The following HNF1B variants were observed in gnomAD, a reference collection of about 807,000 sequenced individuals.
HNF1B encodes the protein HNF1 homeobox B, also known as hepatocyte nuclear factor 1-beta.
A neutral mutation model predicts 61.7 loss-of-function variants in HNF1B; 8 were observed. That is an observed-to-expected ratio of 0.13 (90% CI 0.08 to 0.23). HNF1B has a LOEUF of 0.23. HNF1B is among the 10% of genes least tolerant of loss of function. HNF1B has a pLI of 1.00. For missense variants in HNF1B, 562 were observed against 714.5 expected (o/e 0.79, Z 2.43); for synonymous variants, 314 against 287.7 (o/e 1.09, Z -0.93).
intron 8 of HNF1B, among the ~76,000 whole-genome samples, chr17:37,694,219 G>A: frequency 6.6e-6 from 1 of 152,156 alleles, no homozygotes; most frequent in Non-Finnish European, 1.5e-5. Flanking sequence ...CCTGAGGTCA[G>A]GAGTTCGAGA....
chr17:37,712,233 T>A (rs1273169778), intron 4 of HNF1B, among the ~76,000 whole-genome samples: 1 of 151,916 alleles, frequency 6.6e-6, no homozygotes, highest in Non-Finnish European at 1.5e-5. Flanking sequence ...CTAGTGGGGG[T>A]GGTGGTGACA....
chr17:37,693,475 C>T (rs1259952119), intron 8 of HNF1B, among the ~76,000 whole-genome samples: 1 of 152,216 alleles, frequency 6.6e-6, no homozygotes, highest in Non-Finnish European at 1.5e-5. Context: ...TTTCCTACCA[C>T]TGTACAATAC....
intron 4 of HNF1B, among the ~76,000 whole-genome samples, chr17:37,723,473 G>A (rs929524536): frequency 4.6e-5 from 7 of 152,110 alleles, no homozygotes; most frequent in Admixed American, 2.0e-4. Context: ...CCTCCCCTCT[G>A]CCCCCACCAA....
Position 37,686,885 on chromosome 17 carries a change from C to A in HNF1B, c.*487G>T. The A allele has an allele frequency of 3.3e-6, 1 of 307,102 alleles. No homozygotes were observed. The highest frequency in any genetic ancestry group is 6.3e-6 in the Non-Finnish European group (1 of 158,258). 19.0% of individuals were successfully genotyped at this position (307,102 alleles called of 1,614,324 possible). A position where few individuals can be genotyped will look rare whatever the true frequency, so the allele number is the denominator to read the frequency against. The stretch of plus-strand genomic sequence containing the variant: ...AATTACAGTAGTTTATAGTTTACAG[C>A]CATTGGACAAATTTACTTCTTTAAA... On this transcript the variant is annotated 3_prime_UTR_variant, in exon 9 of 9. Transcript: ENST00000617811.
intron 4 of HNF1B, among the ~76,000 whole-genome samples, chr17:37,727,805 A>T (rs2033549968): frequency 6.6e-6 from 1 of 152,058 alleles, no homozygotes; most frequent in Non-Finnish European, 1.5e-5. Flanking sequence ...CTCTAGGAAG[A>T]GGGTTCTGGG....
chr17:37,736,298 A>AT (rs1223416655), intron 2 of HNF1B, among the ~76,000 whole-genome samples: 2 of 152,316 alleles, frequency 1.3e-5, no homozygotes, highest in Middle Eastern at 3.4e-3. Context: ...GCAATGTGAG[A>AT]TTTTTTCATT....
At position 37,733,730 on chromosome 17, in the gene HNF1B, C is replaced by T; in HGVS notation, c.636G>A (p.Gln212=). Residue 212 remains glutamine, a synonymous_variant, in exon 3 of 9, where the codon CAG becomes CAA. Coordinates refer to ENST00000617811, the MANE Select transcript of HNF1B (RefSeq NM_000458.4). Reference sequence around the variant, plus strand: ...CATCGGACTGCCCAGGCCCATGGCTCTGTTGACTGAACTCTGGAAAGAGAA... The same window carrying T: ...CATCGGACTGCCCAGGCCCATGGCTTTGTTGACTGAACTCTGGAAAGAGAA... ...LLFLFPEFSQ[Q]SHGPGQSDDA... The T allele has an allele frequency of 6.2e-7, 1 of 1,614,198 alleles. No homozygotes were observed. The highest frequency in any genetic ancestry group is 8.5e-7 in the Non-Finnish European group (1 of 1,180,044).
At chr17:37,711,961 A>C (rs1323074012) in intron 4 of HNF1B, among the ~76,000 whole-genome samples, 1 of 152,136 alleles carries the variant, frequency 6.6e-6, no homozygotes, top group Non-Finnish European at 1.5e-5. Context: ...TCAGTGTCAT[A>C]ATCTGCCTCT....
chr17:37,700,255 G>A (rs537538032), intron 7 of HNF1B, among the ~76,000 whole-genome samples: 2 of 152,326 alleles, frequency 1.3e-5, no homozygotes, highest in East Asian at 3.9e-4. Flanking sequence ...GCCAGACCTG[G>A]CCAGAGGATT....
intron 6 of HNF1B, 34 bp from the exon 7 acceptor site, chr17:37,701,211 T>C: frequency 6.5e-7 from 1 of 1,541,980 alleles, no homozygotes; most frequent in Non-Finnish European, 8.8e-7. Flanking sequence ...CACAGACAGC[T>C]CCTGGGATAA....
At chr17:37,690,268 C>T (rs908878646) in intron 8 of HNF1B, among the ~76,000 whole-genome samples, 1 of 152,108 alleles carries the variant, frequency 6.6e-6, no homozygotes, top group Non-Finnish European at 1.5e-5. Context: ...TCTCTTCAGC[C>T]CTGGCACAGC....
At chr17:37,719,883 C>CAGAG (rs2033250963) in intron 4 of HNF1B, among the ~76,000 whole-genome samples, 1 of 152,226 alleles carries the variant, frequency 6.6e-6, no homozygotes, top group Non-Finnish European at 1.5e-5. Context: ...CCTTTGAGGT[C>CAGAG]TGGCAAGTGT....
chr17:37,736,905 T>C (rs2147564330), intron 2 of HNF1B, among the ~76,000 whole-genome samples: 1 of 152,294 alleles, frequency 6.6e-6, no homozygotes, highest in Non-Finnish European at 1.5e-5. Context: ...ATTTGCTCCC[T>C]CTAGCCACCA....
intron 8 of HNF1B, among the ~76,000 whole-genome samples, chr17:37,698,290 T>C (rs1024897472): frequency 1.3e-5 from 2 of 152,096 alleles, no homozygotes; most frequent in Admixed American, 6.6e-5. Context: ...TCTGGAATCA[T>C]CACCTGTGTT....
chr17:37,718,997 G>A (rs1175412314), intron 4 of HNF1B, among the ~76,000 whole-genome samples: 1 of 152,128 alleles, frequency 6.6e-6, no homozygotes, highest in Non-Finnish European at 1.5e-5. Flanking sequence ...GACTGTGGTG[G>A]TGCAATCACA....
intron 1 of HNF1B, among the ~76,000 whole-genome samples, chr17:37,740,768 A>G (rs1178937942): frequency 6.6e-6 from 1 of 152,240 alleles, no homozygotes; most frequent in African/African-American, 2.4e-5. Flanking sequence ...CATAAATTTT[A>G]AATACTGGAT....
Position 37,699,197 on chromosome 17 carries a change from G to A in HNF1B, c.1535-3C>T, listed in dbSNP as rs1172299093. ...GGGTTCCTGCTTGTGTGCGTACACT[G>A]GAGAGACAGAGTGAAGACAGAATCA... is the stretch of plus-strand genomic sequence containing the variant. On this transcript the variant is annotated splice_region_variant and splice_polypyrimidine_tract_variant and intron_variant, in intron 7 of 8. Transcript: ENST00000617811. 5.6e-6 allele frequency: 9 copies of A among 1,608,926 alleles called. No homozygotes were observed. Among genetic ancestry groups the A allele is most frequent in the Non-Finnish European group, 7.7e-6 (9 of 1,175,288 alleles).
intron 4 of HNF1B, among the ~76,000 whole-genome samples, chr17:37,721,976 C>T (rs1049320719): frequency 6.6e-6 from 1 of 152,066 alleles, no homozygotes; most frequent in African/African-American, 2.4e-5. Context: ...GGGCTTTTGT[C>T]GAAAGTTCTT....
intron 4 of HNF1B, among the ~76,000 whole-genome samples, chr17:37,711,239 C>T (rs1032830568): frequency 5.9e-5 from 9 of 152,146 alleles, no homozygotes; most frequent in African/African-American, 9.7e-5. Context: ...GTCAGGGGCA[C>T]GGACACAGGC....
Sources: allele counts gnomAD v4.1 joint callset (sites outside exome capture counted in the v4.1 genomes callset), GRCh38; gene constraint gnomAD v4.1.1; transcripts MANE v1.5; gene names NCBI Gene and HGNC (gene_info 2026-07-23, HGNC 2026-07-21).